MAP2K6: variants seen among roughly 807,000 people sequenced by gnomAD.
MAP2K6 encodes the protein mitogen-activated protein kinase kinase 6, also known as dual specificity mitogen-activated protein kinase kinase 6.
In MAP2K6, 16 loss-of-function variants were observed where a neutral mutation model predicts 53.7. The ratio of observed to expected loss-of-function variants is 0.30; its 90% confidence interval spans 0.20 to 0.45. MAP2K6 has a LOEUF of 0.45. Among genes scored for constraint, MAP2K6 ranks in the 20% least tolerant of loss-of-function variants. The probability of loss-of-function intolerance (pLI) is 1.00; values close to 1 mark genes in which losing one functional copy is unlikely to be tolerated. For synonymous variants in MAP2K6, 132 were observed against 143.1 expected (o/e 0.92, Z 0.55); for missense variants, 204 against 411.9 (o/e 0.50, Z 4.37).
chr17:69,454,355 T>G (rs1187348818), intron 1 of MAP2K6, among the ~76,000 whole-genome samples: 1 of 152,152 alleles, frequency 6.6e-6, no homozygotes, highest in Admixed American at 6.5e-5. Flanking sequence ...CTTCTAACAT[T>G]ATCATGGGTG....
chr17:69,444,287 G>C (rs541816875), intron 1 of MAP2K6, among the ~76,000 whole-genome samples: 1 of 152,300 alleles, frequency 6.6e-6, no homozygotes, highest in East Asian at 1.9e-4. Context: ...CTCACTGGGA[G>C]GTTTTAGGAT....
intron 1 of MAP2K6, among the ~76,000 whole-genome samples, chr17:69,504,215 G>A (rs1427246694): frequency 1.3e-5 from 2 of 151,966 alleles, no homozygotes; most frequent in East Asian, 3.9e-4. Context: ...CAGGGCTTGT[G>A]TTATCTCTGA....
chr17:69,430,278 G>A (rs768342146), intron 1 of MAP2K6, among the ~76,000 whole-genome samples: 2 of 152,150 alleles, frequency 1.3e-5, no homozygotes, highest in African/African-American at 2.4e-5. Context: ...GGAGGTTGCA[G>A]TGAGCCAAGA....
intron 7 of MAP2K6, chr17:69,521,822 A>AC (rs71144700): frequency 1.4e-5 from 2 of 145,904 alleles, no homozygotes; most frequent in South Asian, 2.2e-4. Context: ...AAAAAAAAAA[A>AC]AAAAAAAAAA....
chr17:69,477,073 C>A (rs1318540401), intron 1 of MAP2K6: 3 of 152,252 alleles, frequency 2.0e-5, no homozygotes, highest in Non-Finnish European at 4.4e-5. Flanking sequence ...GCTGCTGAGT[C>A]CTCTCCTGCT....
intron 1 of MAP2K6, among the ~76,000 whole-genome samples, chr17:69,454,659 G>A (rs1049741892): frequency 6.6e-6 from 1 of 152,056 alleles, no homozygotes; most frequent in Non-Finnish European, 1.5e-5. Flanking sequence ...CAAAACTGCT[G>A]GGATTACAGG....
chr17:69,521,220 T>C, intron 7 of MAP2K6, 120 bp downstream of exon 7: 1 of 760,042 alleles, frequency 1.3e-6, no homozygotes, highest in Non-Finnish European at 2.2e-6. Flanking sequence ...GCAAGAGAAC[T>C]AAGGGGCTTT....
rs966468414 is a variant in MAP2K6 at position 69,552,146 on chromosome 17, A to T, written c.*10393A>T. The T allele has an allele frequency of 1.3e-5, 2 of 152,244 alleles. No homozygotes were observed. Among genetic ancestry groups the T allele is most frequent in the Non-Finnish European group, 2.9e-5 (2 of 68,046 alleles). The allele number at this position is 152,244 out of a possible 1,614,324, so 9.4% of individuals were successfully genotyped here. ...ATTGATTGTTTGCCTGTTGCACCCT[A>T]AAGTTATTTTCAAACCATGTTTATT... On this transcript the variant is annotated 3_prime_UTR_variant, in exon 12 of 12. Transcript: ENST00000590474.
At chr17:69,469,736 C>G (rs1283488196) in intron 1 of MAP2K6, among the ~76,000 whole-genome samples, 1 of 152,018 alleles carries the variant, frequency 6.6e-6, no homozygotes, top group East Asian at 1.9e-4. Flanking sequence ...GCACCCCAGC[C>G]TGGGGGCAAT....
chr17:69,461,288 C>G (rs1227866691), intron 1 of MAP2K6, among the ~76,000 whole-genome samples: 1 of 152,176 alleles, frequency 6.6e-6, no homozygotes, highest in African/African-American at 2.4e-5. Flanking sequence ...GGTGTCCTCA[C>G]TGCTCTGTAT....
Position 69,487,755 on chromosome 17 carries a change from T to C in MAP2K6, c.17-18025T>C, listed in dbSNP as rs117304531. ...AACTTTGTTGGAGACTTTAAAATCA[T>C]CTGACTTTGTATAGATATGAGTGGG... On this transcript the variant is annotated intron_variant, in intron 1 of 11. Transcript: ENST00000590474. Among the ~76,000 whole-genome samples, 1,222 of 152,340 alleles carry C rather than the reference T, an allele frequency of 8.0e-3. 6 individuals are homozygous for C. The highest frequency in any genetic ancestry group is 0.017 in the Middle Eastern group (5 of 294).
intron 1 of MAP2K6, among the ~76,000 whole-genome samples, chr17:69,478,545 G>C (rs1196643953): frequency 6.6e-6 from 1 of 152,192 alleles, no homozygotes; most frequent in East Asian, 1.9e-4. Context: ...TGATTCTCCT[G>C]GCTCAGCCTC....
At chr17:69,476,530 C>T (rs1783702270) in intron 1 of MAP2K6, among the ~76,000 whole-genome samples, 1 of 152,172 alleles carries the variant, frequency 6.6e-6, no homozygotes, top group Non-Finnish European at 1.5e-5. Flanking sequence ...TGCTGCACCT[C>T]CTTTGACATA....
In MAP2K6 at chr17:69,508,685, T is replaced by A. The variant is rs1909654725; in HGVS notation, c.83+2839T>A. Among the ~76,000 whole-genome samples the A allele has an allele frequency of 2.6e-5, 4 of 152,350 alleles. 1 individual carries two copies. The South Asian group carries it at 8.3e-4, about 32-fold the overall frequency. ...TTACTTTTACAGATCATGCTTTTGATAATAAGTCTAAGAACCCTTTGCCTA... is the reference window on the plus strand; with the variant it reads ...TTACTTTTACAGATCATGCTTTTGAAAATAAGTCTAAGAACCCTTTGCCTA... On this transcript the variant is annotated intron_variant, in intron 2 of 11. Coordinates refer to ENST00000590474, the MANE Select transcript of MAP2K6 (RefSeq NM_002758.4).
At chr17:69,503,321 CAT>C (rs1470329971) in intron 1 of MAP2K6, among the ~76,000 whole-genome samples, 1 of 152,126 alleles carries the variant, frequency 6.6e-6, no homozygotes, top group Non-Finnish European at 1.5e-5. Context: ...GGAATTAGGC[CAT>C]ATATCTATTT....
At chr17:69,535,762 T>G (rs1227899598) in intron 10 of MAP2K6, among the ~76,000 whole-genome samples, 2 of 152,190 alleles carry the variant, frequency 1.3e-5, no homozygotes, top group Non-Finnish European at 2.9e-5. Context: ...TGCCAATTTC[T>G]TTGTCTGTGG....
chr17:69,428,868 T>G (rs946529345), intron 1 of MAP2K6, among the ~76,000 whole-genome samples: 3 of 151,088 alleles, frequency 2.0e-5, no homozygotes, highest in Admixed American at 6.6e-5. Flanking sequence ...GTTTTTGTTT[T>G]TTTTTTTTTT....
At chr17:69,415,087 T>C in intron 1 of MAP2K6, 87 bp downstream of exon 1, 1 of 1,331,106 alleles carries the variant, frequency 7.5e-7, no homozygotes, top group Non-Finnish European at 1.1e-6. Flanking sequence ...GCCTGGCGAG[T>C]GCATTTTTAA....
intron 1 of MAP2K6, among the ~76,000 whole-genome samples, chr17:69,423,027 G>C (rs1038155536): frequency 7.2e-5 from 11 of 152,098 alleles, no homozygotes; most frequent in African/African-American, 2.7e-4. Context: ...GGGATTACAG[G>C]TGTGCACCAC....
Sources: allele counts gnomAD v4.1 joint callset (sites outside exome capture counted in the v4.1 genomes callset), GRCh38; gene constraint gnomAD v4.1.1; transcripts MANE v1.5; gene names NCBI Gene and HGNC (gene_info 2026-07-23, HGNC 2026-07-21).